Variants in AGBL1 observed in about 807,000 individuals in gnomAD.
AGBL1 encodes the protein AGBL carboxypeptidase 1.
A neutral mutation model predicts 118.9 loss-of-function variants in AGBL1; 130 were observed. The ratio of observed to expected loss-of-function variants is 1.09; its 90% CI spans 0.95 to 1.26. The LOEUF is 1.26. Among genes scored for constraint, AGBL1 ranks in the 50% most tolerant of loss-of-function variants. The pLI is 0.00. For synonymous variants in AGBL1, 555 were observed against 478.9 expected, an observed-to-expected ratio of 1.16 and a Z score of -2.08; for missense variants, 1,584 against 1,298.1, an observed-to-expected ratio of 1.22 and a Z score of -3.38.
At chr15:86,614,797 A>G (rs2084699699) in intron 21 of AGBL1, among the ~76,000 whole-genome samples, 2 of 152,252 alleles carry the variant, frequency 1.3e-5, no homozygotes, top group South Asian at 4.1e-4. Context: ...TGAAGTGGAA[A>G]AAACCAGATT....
chr15:86,435,920 A>G (rs2081995204), intron 18 of AGBL1, among the ~76,000 whole-genome samples: 1 of 152,152 alleles, frequency 6.6e-6, no homozygotes, highest in South Asian at 2.1e-4. Flanking sequence ...TAGCAACACA[A>G]TAATAATTAT....
intron 24 of AGBL1, among the ~76,000 whole-genome samples, chr15:86,992,355 G>A (rs78240194): frequency 0.14 from 21,515 of 152,008 alleles, 2,236 homozygotes; most frequent in African/African-American, 0.28. Flanking sequence ...GGGAAACATC[G>A]GAACTATGTA....
chr15:86,864,578 C>T (rs1362591348), intron 22 of AGBL1, among the ~76,000 whole-genome samples: 1 of 152,050 alleles, frequency 6.6e-6, no homozygotes, highest in Non-Finnish European at 1.5e-5. Context: ...TGCCTTCATA[C>T]TACTCTACTA....
intron 18 of AGBL1, among the ~76,000 whole-genome samples, chr15:86,453,294 C>A (rs1445427121): frequency 6.6e-6 from 1 of 152,200 alleles, no homozygotes; most frequent in Non-Finnish European, 1.5e-5. Context: ...GCTATTCCCA[C>A]CAGCCATTCA....
chr15:86,919,320 C>A (rs1460773676), downstream of AGBL1, among the ~76,000 whole-genome samples: 3 of 152,182 alleles, frequency 2.0e-5, no homozygotes, highest in Admixed American at 6.5e-5. Flanking sequence ...TTCCTGTAGT[C>A]TGACATAAGT....
chr15:86,857,586 T>C (rs2079501268), intron 22 of AGBL1, among the ~76,000 whole-genome samples: 1 of 152,204 alleles, frequency 6.6e-6, no homozygotes, highest in South Asian at 2.1e-4. Context: ...GTGACCTCTT[T>C]ATGGAGGCCT....
At chr15:86,739,156 C>T (rs1317102226) in intron 22 of AGBL1, among the ~76,000 whole-genome samples, 3 of 151,654 alleles carry the variant, frequency 2.0e-5, no homozygotes, top group Non-Finnish European at 4.4e-5. Context: ...CAAAAATGAA[C>T]AAATAGGCTA....
chr15:86,960,919 C>T (rs957576130), intron 23 of AGBL1, among the ~76,000 whole-genome samples: 2 of 151,974 alleles, frequency 1.3e-5, no homozygotes, highest in Non-Finnish European at 2.9e-5. Context: ...ATGGTTATTG[C>T]CAGGTGCTGG....
chr15:86,416,919 A>G (rs1271087783), intron 18 of AGBL1, among the ~76,000 whole-genome samples: 1 of 152,234 alleles, frequency 6.6e-6, no homozygotes, highest in African/African-American at 2.4e-5. Context: ...GGACTCTTCC[A>G]TTCCAGTGAT....
chr15:86,479,256 T>C (rs1202615306), intron 18 of AGBL1, among the ~76,000 whole-genome samples: 1 of 152,088 alleles, frequency 6.6e-6, no homozygotes, highest in African/African-American at 2.4e-5. Context: ...CTAAAGAGCT[T>C]CTGCACAGCA....
chr15:87,008,193 G>A (rs1396863911), intron 24 of AGBL1, among the ~76,000 whole-genome samples: 1 of 152,202 alleles, frequency 6.6e-6, no homozygotes, highest in Non-Finnish European at 1.5e-5. Flanking sequence ...ACCTGATATT[G>A]ATTGGCTCTC....
At chr15:86,692,732 A>G (rs1054649086) in intron 22 of AGBL1, among the ~76,000 whole-genome samples, 5 of 152,036 alleles carry the variant, frequency 3.3e-5, no homozygotes, top group South Asian at 2.1e-4. Flanking sequence ...ACGGAATCCA[A>G]TTTGTAGTCT....
chr15:86,730,047 T>A (rs964372465), intron 22 of AGBL1, among the ~76,000 whole-genome samples: 1 of 152,234 alleles, frequency 6.6e-6, no homozygotes, highest in African/African-American at 2.4e-5. Flanking sequence ...TTTCATGTAT[T>A]TGTTGGCTGC....
chr15:86,222,553 A>AT (rs2078296384), intron 5 of AGBL1, among the ~76,000 whole-genome samples: 1 of 152,100 alleles, frequency 6.6e-6, no homozygotes, highest in African/African-American at 2.4e-5. Context: ...ATGGCTTCTC[A>AT]TTACCTACAG....
rs75647411 is a variant in AGBL1 at position 86,873,404 on chromosome 15, C to T, written c.3159-33683C>T. ...ATTTTAAGAATCGACTTTTGTTCAG[C>T]GCTTTCAAAGATGTTTGAAAAATCT... On this transcript the variant is annotated intron_variant, in intron 22 of 22. Transcript: ENST00000614907. Among the ~76,000 whole-genome samples the T allele has an allele frequency of 4.3e-3, 652 of 151,824 alleles. 4 individuals are homozygous for T. The highest frequency in any genetic ancestry group is 0.03 in the East Asian group (157 of 5,174).
intron 1 of AGBL1, among the ~76,000 whole-genome samples, chr15:86,120,262 C>A (rs1046475846): frequency 1.3e-5 from 2 of 152,124 alleles, no homozygotes; most frequent in Non-Finnish European, 2.9e-5. Context: ...GGCTTTAAGG[C>A]AAAGTTCCAG....
chr15:86,237,580 G>A (rs1296506254), intron 6 of AGBL1, among the ~76,000 whole-genome samples: 1 of 152,136 alleles, frequency 6.6e-6, no homozygotes, highest in African/African-American at 2.4e-5. Context: ...CCAGGTGGAA[G>A]ATTTTCTAGA....
rs117881301 is a variant in AGBL1 at position 86,080,156 on chromosome 15, C to T, written c.51+133C>T. ...TTGTTAACAGCAAGAGAACAGGAGT[C>T]GGCTCTCACCTTGAAGCTGACCTAA... On this transcript the variant is annotated intron_variant, in intron 1 of 22. Transcript: ENST00000614907. 4,514 of 571,444 alleles carry T rather than the reference C, an allele frequency of 7.9e-3. 29 individuals are homozygous for T. Among genetic ancestry groups the T allele is most frequent in the Non-Finnish European group, 9.3e-3 (3,579 of 383,814 alleles). The allele number at this position is 571,444 out of a possible 1,614,324, so 35.4% of individuals were successfully genotyped here. A position where few individuals can be genotyped will look rare whatever the true frequency, so the allele number is the denominator to read the frequency against.
rs2084177425 is a variant in AGBL1 at position 86,581,919 on chromosome 15, G to A, written c.2994+27382G>A. Among the ~76,000 whole-genome samples, 3 of 152,120 alleles carry A rather than the reference G, an allele frequency of 2.0e-5. No individual in the cohort carries two copies. The South Asian group carries it at 6.2e-4, about 31-fold the overall frequency. ...ATGAGGATCTTATGTAATAATTATG[G>A]ATATATGACAGGCATGAGATCCTAA... On this transcript the variant is annotated intron_variant, in intron 21 of 22. Coordinates refer to ENST00000614907, the MANE Select transcript of AGBL1 (RefSeq NM_001386094.1).
Sources: allele counts gnomAD v4.1 joint callset (sites outside exome capture counted in the v4.1 genomes callset), GRCh38; gene constraint gnomAD v4.1.1; transcripts MANE v1.5; gene names NCBI Gene and HGNC (gene_info 2026-07-23, HGNC 2026-07-21).